The following ARB2A variants were observed in gnomAD, a reference collection of about 807,000 sequenced individuals.
ARB2A encodes ARB2 cotranscriptional regulator A.
At chr5:93,945,218 G>A in the ARB2A span, among the ~76,000 whole-genome samples, 26 of 152,222 alleles carry the variant, frequency 1.7e-4, no homozygotes, top group East Asian at 5.0e-3. Context: ...TGAGGTGGGA[G>A]GATCACCTGA....
the ARB2A span, among the ~76,000 whole-genome samples, chr5:93,716,503 T>C: frequency 6.6e-6 from 1 of 152,094 alleles, no homozygotes; most frequent in African/African-American, 2.4e-5. Flanking sequence ...TTGCTAATGA[T>C]TTATTCTGAG....
At chr5:93,856,439 C>G in the ARB2A span, among the ~76,000 whole-genome samples, 1 of 152,190 alleles carries the variant, frequency 6.6e-6, no homozygotes, top group Non-Finnish European at 1.5e-5. Flanking sequence ...TAGATTTGGT[C>G]TTTTCACATA....
At chr5:93,778,722 C>T in the ARB2A span, among the ~76,000 whole-genome samples, 5 of 152,108 alleles carry the variant, frequency 3.3e-5, no homozygotes, top group Non-Finnish European at 4.4e-5. Flanking sequence ...TCCTACTGCT[C>T]ACCTACACTT....
chr5:93,741,362 G>C, the ARB2A span: 1 of 1,611,022 alleles, frequency 6.2e-7, no homozygotes. Flanking sequence ...TCGTGTGGCA[G>C]GGGACCCAGG....
At chr5:94,044,370 C>A in the ARB2A span, among the ~76,000 whole-genome samples, 37 of 152,186 alleles carry the variant, frequency 2.4e-4, no homozygotes, top group African/African-American at 8.7e-4. Context: ...CCAGATATCA[C>A]CTCTTGTTGG....
the ARB2A span, among the ~76,000 whole-genome samples, chr5:93,745,344 T>C: frequency 6.6e-6 from 1 of 152,190 alleles, no homozygotes; most frequent in Non-Finnish European, 1.5e-5. Flanking sequence ...TTTTATGTTT[T>C]AGTTCTCCAG....
At chr5:93,913,838 G>T in the ARB2A span, among the ~76,000 whole-genome samples, 33 of 151,936 alleles carry the variant, frequency 2.2e-4, no homozygotes. Flanking sequence ...AATATTCCTT[G>T]AAATTATTAT....
At chr5:93,779,124 T>TGTGTGTGTGTGTGTGTGTGC in the ARB2A span, among the ~76,000 whole-genome samples, 1 of 146,296 alleles carries the variant, frequency 6.8e-6, no homozygotes, top group African/African-American at 2.6e-5. Context: ...TGTGTGTGTG[T>TGTGTGTGTGTGTGTGTGTGC]GCGCGCGCGC....
the ARB2A span, among the ~76,000 whole-genome samples, chr5:93,979,673 T>C: frequency 6.6e-6 from 1 of 152,160 alleles, no homozygotes; most frequent in African/African-American, 2.4e-5. Context: ...TTTTGTTTTG[T>C]TGTTTTTCAC....
At chr5:93,813,705 C>G in the ARB2A span, among the ~76,000 whole-genome samples, 1 of 152,132 alleles carries the variant, frequency 6.6e-6, no homozygotes, top group Non-Finnish European at 1.5e-5. Flanking sequence ...CCTGGATCTG[C>G]TGGTACTTTT....
At chr5:93,998,320 C>G in the ARB2A span, among the ~76,000 whole-genome samples, 4 of 151,906 alleles carry the variant, frequency 2.6e-5, no homozygotes, top group African/African-American at 9.7e-5. Context: ...GAGTTTATCT[C>G]TATTCGTAAT....
the ARB2A span, among the ~76,000 whole-genome samples, chr5:93,813,381 G>C: frequency 1.3e-5 from 2 of 152,130 alleles, no homozygotes; most frequent in African/African-American, 4.8e-5. Context: ...GGAGCAGCTT[G>C]TTCCTCTTGA....
At chr5:93,877,180 T>C in the ARB2A span, among the ~76,000 whole-genome samples, 1 of 152,178 alleles carries the variant, frequency 6.6e-6, no homozygotes, top group South Asian at 2.1e-4. Flanking sequence ...TCTCCTTTAC[T>C]TCCCATCAGT....
the ARB2A span, among the ~76,000 whole-genome samples, chr5:93,780,315 G>T: frequency 6.6e-6 from 1 of 152,160 alleles, no homozygotes; most frequent in Non-Finnish European, 1.5e-5. Flanking sequence ...GAGGCCAGGG[G>T]TATGTTGGGA....
At chr5:94,014,581 T>A in the ARB2A span, among the ~76,000 whole-genome samples, 10 of 152,066 alleles carry the variant, frequency 6.6e-5, no homozygotes, top group African/African-American at 2.2e-4. Flanking sequence ...GAGATAGTAA[T>A]GTATGAGCTT....
the ARB2A span, among the ~76,000 whole-genome samples, chr5:94,012,320 T>G: frequency 3.3e-5 from 5 of 152,200 alleles, no homozygotes; most frequent in African/African-American, 1.2e-4. Flanking sequence ...GAGAATGGCG[T>G]GAACCCGGGA....
the ARB2A span, among the ~76,000 whole-genome samples, chr5:93,640,734 TTTTCCTCTTC>T: frequency 6.6e-6 from 1 of 151,840 alleles, no homozygotes; most frequent in Non-Finnish European, 1.5e-5. Flanking sequence ...AGAAATTAAG[TTTTCCTCTTC>T]TGGAATTAAA....
chr5:93,745,218 C>A, the ARB2A span, among the ~76,000 whole-genome samples: 1 of 152,112 alleles, frequency 6.6e-6, no homozygotes, highest in Non-Finnish European at 1.5e-5. Flanking sequence ...GGGTTTGGTT[C>A]AAATTTCATC....
chr5:93,780,494 C>T, the ARB2A span, among the ~76,000 whole-genome samples: 6 of 151,084 alleles, frequency 4.0e-5, no homozygotes, highest in Non-Finnish European at 8.8e-5. Context: ...TCAAAGTATA[C>T]TACTCTTTGA....
Sources: allele counts gnomAD v4.1 joint callset (sites outside exome capture counted in the v4.1 genomes callset), GRCh38; gene constraint gnomAD v4.1.1; transcripts MANE v1.5; gene names NCBI Gene and HGNC (gene_info 2026-07-23, HGNC 2026-07-21).